Variants in GTF2F2 observed in about 807,000 individuals in gnomAD.
GTF2F2 encodes general transcription factor IIF subunit 2.
A neutral mutation model predicts 42.2 loss-of-function variants in GTF2F2; 23 were observed. That is an observed-to-expected ratio of 0.55 (90% CI 0.39 to 0.77). The LOEUF is 0.77. GTF2F2 is among the 30% of genes least tolerant of loss of function. The probability of loss-of-function intolerance (pLI) is 0.00; values close to 1 mark genes in which losing one functional copy is unlikely to be tolerated. For missense variants in GTF2F2, 261 were observed against 287.2 expected (o/e 0.91, Z 0.66); for synonymous variants, 105 against 100.8 (o/e 1.04, Z -0.25).
intron 7 of GTF2F2, among the ~76,000 whole-genome samples, chr13:45,281,624 A>G (rs984290076): frequency 6.6e-6 from 1 of 152,204 alleles, no homozygotes; most frequent in African/African-American, 2.4e-5. Context: ...AGAGACTTTG[A>G]TTCAGTAGGC....
At chr13:45,200,983 G>C (rs1303531608) in intron 4 of GTF2F2, among the ~76,000 whole-genome samples, 1 of 152,182 alleles carries the variant, frequency 6.6e-6, no homozygotes, top group East Asian at 1.9e-4. Flanking sequence ...TTTTACAGGA[G>C]CTGGAAGTTC....
chr13:45,144,300 A>G (rs1460520702), intron 2 of GTF2F2, among the ~76,000 whole-genome samples: 2 of 152,096 alleles, frequency 1.3e-5, no homozygotes, highest in Non-Finnish European at 2.9e-5. Flanking sequence ...TTTAATTTTA[A>G]AGGCAACCTT....
intron 4 of GTF2F2, among the ~76,000 whole-genome samples, chr13:45,170,267 C>A (rs1159649510): frequency 6.6e-6 from 1 of 152,204 alleles, no homozygotes; most frequent in Non-Finnish European, 1.5e-5. Context: ...CTGCCTTGGC[C>A]TGCCAAAGTG....
chr13:45,143,206 G>T (rs1279845510), intron 2 of GTF2F2, among the ~76,000 whole-genome samples: 1 of 152,204 alleles, frequency 6.6e-6, no homozygotes, highest in Non-Finnish European at 1.5e-5. Context: ...ATCAACTACT[G>T]ATTCCTAGAG....
At chr13:45,206,312 GTTCTATACACT>G (rs1873410914) in intron 4 of GTF2F2, 1 of 152,144 alleles carries the variant, frequency 6.6e-6, no homozygotes, top group South Asian at 2.1e-4. Flanking sequence ...TGTAGGCATG[GTTCTATACACT>G]TTCTGCATTT....
At chr13:45,236,791 A>C (rs1432339535) in intron 5 of GTF2F2, among the ~76,000 whole-genome samples, 3 of 152,194 alleles carry the variant, frequency 2.0e-5, no homozygotes, top group African/African-American at 7.2e-5. Context: ...AAGAGGAATA[A>C]AACAGTTACT....
At chr13:45,200,370 T>G (rs949433061) in intron 4 of GTF2F2, among the ~76,000 whole-genome samples, 1 of 152,202 alleles carries the variant, frequency 6.6e-6, no homozygotes, top group Non-Finnish European at 1.5e-5. Context: ...TCACCCAGGC[T>G]GGAGTGTATT....
At chr13:45,142,236 G>A (rs966681392) in intron 2 of GTF2F2, among the ~76,000 whole-genome samples, 4 of 152,146 alleles carry the variant, frequency 2.6e-5, no homozygotes, top group Admixed American at 1.3e-4. Flanking sequence ...GCGTGATCTC[G>A]GCTCACTGCA....
intron 5 of GTF2F2, among the ~76,000 whole-genome samples, chr13:45,237,714 A>C (rs1324784264): frequency 6.6e-6 from 1 of 152,118 alleles, no homozygotes; most frequent in African/African-American, 2.4e-5. Context: ...ACATTCTTTT[A>C]CTCTAAGTAT....
At chr13:45,216,909 GT>G (rs753644100) in intron 5 of GTF2F2, among the ~76,000 whole-genome samples, 2 of 152,104 alleles carry the variant, frequency 1.3e-5, no homozygotes, top group Non-Finnish European at 2.9e-5. Context: ...TAACTCAGGT[GT>G]GCACCATATC....
At chr13:45,194,176 T>C in intron 4 of GTF2F2, 1 of 1,614,154 alleles carries the variant, frequency 6.2e-7, no homozygotes, top group Non-Finnish European at 8.5e-7. Context: ...CTGTTCTTTC[T>C]CCCACCTGGA....
chr13:45,250,509 CT>C (rs1258278075), intron 5 of GTF2F2, among the ~76,000 whole-genome samples: 1 of 152,152 alleles, frequency 6.6e-6, no homozygotes, highest in Non-Finnish European at 1.5e-5. Context: ...GTATTAAATG[CT>C]TGTCTTCCAC....
intron 7 of GTF2F2, among the ~76,000 whole-genome samples, chr13:45,280,440 C>T (rs1447461703): frequency 1.3e-5 from 2 of 152,114 alleles, no homozygotes; most frequent in African/African-American, 4.8e-5. Context: ...TACCTACTTC[C>T]CTGCCAAGCT....
chr13:45,279,665 TGGGAGGCCGAGGCGGGTGGATCACGA>T (rs1370384611), intron 7 of GTF2F2, among the ~76,000 whole-genome samples: 1 of 152,048 alleles, frequency 6.6e-6, no homozygotes, highest in Admixed American at 6.5e-5. Context: ...CCTAGCGCTT[TGGGAGGCCGAGGCGGGTGGATCACGA>T]GGTCAGCAGT....
chr13:45,178,296 G>A (rs1426950489), intron 4 of GTF2F2, among the ~76,000 whole-genome samples: 1 of 151,450 alleles, frequency 6.6e-6, no homozygotes, highest in East Asian at 1.9e-4. Flanking sequence ...TTCTTCACTT[G>A]TGTCTAGTCT....
chr13:45,171,103 A>T (rs1259357976), intron 4 of GTF2F2, among the ~76,000 whole-genome samples: 2 of 122,196 alleles, frequency 1.6e-5, no homozygotes, highest in African/African-American at 3.4e-5. Context: ...TTTGAGACAG[A>T]GTCTTGGTCT....
At chr13:45,275,882 T>A (rs546260597) in intron 7 of GTF2F2, among the ~76,000 whole-genome samples, 110 of 152,332 alleles carry the variant, frequency 7.2e-4, no homozygotes, top group Non-Finnish European at 1.1e-3. Context: ...CGCCACACTG[T>A]CTTCCACAAT....
chr13:45,221,911 C>T (rs1391249427), intron 5 of GTF2F2, among the ~76,000 whole-genome samples: 2 of 152,084 alleles, frequency 1.3e-5, no homozygotes, highest in African/African-American at 4.8e-5. Context: ...TTCTTTCTGT[C>T]TAAACACATA....
At chr13:45,130,717 A>G (rs867316900) in intron 1 of GTF2F2, among the ~76,000 whole-genome samples, 2 of 152,138 alleles carry the variant, frequency 1.3e-5, no homozygotes, top group Admixed American at 6.5e-5. Context: ...GGAAGAATGG[A>G]GTTGCCTTTT....
Sources: gnomAD v4.1 joint callset for allele counts (sites outside exome capture counted in the v4.1 genomes callset) on GRCh38, gnomAD v4.1.1 for gene constraint, MANE v1.5 for transcripts, NCBI Gene and HGNC (gene_info 2026-07-23, HGNC 2026-07-21) for gene names.